The following DZANK1 variants were observed in gnomAD, a reference collection of about 807,000 sequenced individuals.
The protein encoded by DZANK1 is double zinc ribbon and ankyrin repeat domains 1, also known as double zinc ribbon and ankyrin repeat-containing protein 1.
Under a neutral mutation model 94.5 loss-of-function variants are expected in DZANK1, and 91 were observed. That is an observed-to-expected ratio of 0.96 (90% CI 0.81 to 1.15). DZANK1 has a LOEUF of 1.15. Among genes scored for constraint, DZANK1 ranks in the 50% most tolerant of loss-of-function variants. The pLI, the probability that DZANK1 is intolerant of heterozygous loss-of-function variation, is 0.00. For synonymous variants in DZANK1, 312 were observed against 325.3 expected (o/e 0.96, Z 0.44); for missense variants, 903 against 916.4 (o/e 0.99, Z 0.19).
chr20:18,398,602 T>C, exon 14 of DZANK1: 1 of 1,614,014 alleles, frequency 6.2e-7, no homozygotes, highest in Non-Finnish European at 8.5e-7. Flanking sequence ...AGCAGAGATG[T>C]GATCCAGCTG....
chr20:18,456,777 T>C (rs1181630832), intron 3 of DZANK1, among the ~76,000 whole-genome samples: 1 of 152,246 alleles, frequency 6.6e-6, no homozygotes, highest in African/African-American at 2.4e-5. Context: ...TTCCATTTTA[T>C]GGATATACCA....
rs544347582 is a variant in DZANK1 at position 18,394,160 on chromosome 20, G to C, written c.1708+94C>G. The C allele has an allele frequency of 4.0e-5, 42 of 1,046,272 alleles. No individual in the cohort carries two copies. In the South Asian group the frequency reaches 5.8e-4, roughly 14 times the overall value. 64.8% of individuals were successfully genotyped at this position (1,046,272 alleles called of 1,614,324 possible). A position where few individuals can be genotyped will look rare whatever the true frequency, so the allele number is the denominator to read the frequency against. On this transcript the variant is annotated intron_variant, in intron 16 of 20. Coordinates refer to ENST00000262547, the Ensembl canonical transcript of DZANK1. ...GAACATAACTGCAAGATCTGTGACCGGGCTGTCAAACTCTTAGCAGTTCTC... is the reference window on the plus strand; with the variant it reads ...GAACATAACTGCAAGATCTGTGACCCGGCTGTCAAACTCTTAGCAGTTCTC...
intron 14 of DZANK1, 81 bp from the exon 15 acceptor site, chr20:18,396,627 A>T (rs2148257810): frequency 2.1e-6 from 2 of 949,570 alleles, no homozygotes; most frequent in Middle Eastern, 2.2e-4. Flanking sequence ...AAATTCTGAG[A>T]TGTCAAACTC....
chr20:18,431,308 T>C (rs934248452), intron 9 of DZANK1, among the ~76,000 whole-genome samples: 2 of 151,764 alleles, frequency 1.3e-5, no homozygotes, highest in Admixed American at 6.6e-5. Context: ...GCAACTACCA[T>C]GGAATCTGTC....
intron 6 of DZANK1, among the ~76,000 whole-genome samples, chr20:18,449,886 C>T (rs1399209266): frequency 5.9e-5 from 9 of 151,798 alleles, no homozygotes; most frequent in Non-Finnish European, 1.5e-5. Context: ...CGAGACCAGC[C>T]TGACCAACAT....
At chr20:18,457,724 T>G (rs1456633971) in intron 3 of DZANK1, among the ~76,000 whole-genome samples, 1 of 152,114 alleles carries the variant, frequency 6.6e-6, no homozygotes, top group Non-Finnish European at 1.5e-5. Context: ...AAAGGTACAA[T>G]CTTAAAGTTG....
At chr20:18,392,228 T>A (rs1319795658) in intron 17 of DZANK1, among the ~76,000 whole-genome samples, 5 of 152,236 alleles carry the variant, frequency 3.3e-5, no homozygotes, top group African/African-American at 1.2e-4. Context: ...ACTCTATGCT[T>A]TTATACCCAA....
intron 13 of DZANK1, among the ~76,000 whole-genome samples, chr20:18,405,820 T>C (rs1285103655): frequency 6.6e-6 from 1 of 152,232 alleles, no homozygotes; most frequent in Non-Finnish European, 1.5e-5. Context: ...GAATCACTGA[T>C]ACCATCCTTC....
At chr20:18,435,600 G>A (rs552697650) in intron 8 of DZANK1, among the ~76,000 whole-genome samples, 1 of 152,166 alleles carries the variant, frequency 6.6e-6, no homozygotes, top group East Asian at 1.9e-4. Flanking sequence ...TGTCGGGGGT[G>A]GGGGGCAAGA....
chr20:18,384,700 C>T, intron 20 of DZANK1, 136 bp from the exon 21 acceptor site: 1 of 923,666 alleles, frequency 1.1e-6, no homozygotes, highest in Non-Finnish European at 1.6e-6. Context: ...CCCAAGAGGT[C>T]ACAGTGACTT....
intron 3 of DZANK1, among the ~76,000 whole-genome samples, chr20:18,458,956 A>G (rs1233451774): frequency 6.6e-6 from 1 of 152,248 alleles, no homozygotes; most frequent in African/African-American, 2.4e-5. Context: ...AAATACTAAC[A>G]GTACCTTTCA....
chr20:18,394,908 A>C (rs1440166930), intron 15 of DZANK1: 9 of 456,454 alleles, frequency 2.0e-5, no homozygotes, highest in Non-Finnish European at 8.8e-6. Flanking sequence ...TCGTGAAAGC[A>C]AAATGCAGTA....
At chr20:18,394,135 G>A (rs573461006) in intron 16 of DZANK1, 119 bp downstream of exon 16, 1 of 867,674 alleles carries the variant, frequency 1.2e-6, no homozygotes, top group East Asian at 2.7e-5. Context: ...AAAACGTCTG[G>A]AACATAACTG....
chr20:18,454,642 A>T (rs1174771952), intron 4 of DZANK1: 1 of 154,936 alleles, frequency 6.5e-6, no homozygotes, highest in African/African-American at 2.4e-5. Context: ...TAAAGATTTC[A>T]ACATAAAAGA....
chr20:18,385,226 C>G (rs1415778737), intron 19 of DZANK1, 136 bp from the exon 20 acceptor site: 5 of 724,338 alleles, frequency 6.9e-6, no homozygotes, highest in Non-Finnish European at 1.2e-5. Context: ...TGAGTCTCCT[C>G]TCTCTGCCTT....
At position 18,427,066 on chromosome 20, in the gene DZANK1, C is replaced by A. The variant is rs1480171082; in HGVS notation, c.954+1G>T. 1 of 1,607,590 alleles carries A rather than the reference C, an allele frequency of 6.2e-7. No homozygotes were observed. The highest frequency in any genetic ancestry group is 1.7e-5 in the Admixed American group (1 of 59,802). ...AGGATTGGCACATGCAATCAACCTA[C>A]CTCTTGTGATGAAGGCAGGGCCCCC... On this transcript the variant is annotated splice_donor_variant, in intron 10 of 20. Transcript: ENST00000262547. LOFTEE classifies it high-confidence loss of function.
intron 10 of DZANK1, among the ~76,000 whole-genome samples, chr20:18,423,599 A>C (rs1429229622): frequency 1.3e-5 from 2 of 152,218 alleles, no homozygotes; most frequent in East Asian, 3.8e-4. Context: ...ATTAATTTAA[A>C]ATAACTGAAA....
intron 8 of DZANK1, among the ~76,000 whole-genome samples, chr20:18,439,487 C>A (rs557896549): frequency 1.7e-4 from 26 of 152,174 alleles, no homozygotes; most frequent in Non-Finnish European, 3.1e-4. Context: ...TAGAAGGCTG[C>A]CCGTCTATCA....
In DZANK1 at chr20:18,443,359, T is replaced by TG; in HGVS notation, c.734dup (p.Glu246ArgfsTer26). 6.5e-7 allele frequency: 1 copy of TG among 1,549,010 alleles called. No homozygotes were observed. The highest frequency in any genetic ancestry group is 8.7e-7 in the Non-Finnish European group (1 of 1,145,362). ...TTCTGCTGCTCACCTGAGCTCCTTCTGGGGGTGGGAGACGACAGCCAAATA... is the reference window on the plus strand; with the variant it reads ...TTCTGCTGCTCACCTGAGCTCCTTCTGGGGGGTGGGAGACGACAGCCAAATA... On this transcript the variant is annotated frameshift_variant, in exon 8 of 21. Transcript: ENST00000262547. LOFTEE classifies it high-confidence loss of function.
Sources: allele counts gnomAD v4.1 joint callset (sites outside exome capture counted in the v4.1 genomes callset), GRCh38; gene constraint gnomAD v4.1.1; transcripts MANE v1.5; gene names NCBI Gene and HGNC (gene_info 2026-07-23, HGNC 2026-07-21).